The following PSMF1 variants were observed in gnomAD, a reference collection of about 807,000 sequenced individuals.
PSMF1 encodes the protein proteasome inhibitor PI31 subunit.
PSMF1 carries 30 observed loss-of-function variants against 29.3 expected under a neutral mutation model. The observed-to-expected ratio is 1.02, with a 90% CI of 0.77 to 1.39. The LOEUF (loss-of-function observed/expected upper bound fraction) is 1.39, where lower values mean the gene tolerates loss of function less well. Among genes scored for constraint, PSMF1 ranks in the 40% most tolerant of loss-of-function variants. The pLI is 0.00. For missense variants in PSMF1, 344 were observed against 357.5 expected (o/e 0.96, Z 0.31); for synonymous variants, 134 against 139.7 (o/e 0.96, Z 0.29).
intron 4 of PSMF1, among the ~76,000 whole-genome samples, chr20:1,144,984 C>G (rs1250465862): frequency 2.6e-5 from 4 of 152,146 alleles, no homozygotes; most frequent in Admixed American, 2.6e-4. Flanking sequence ...CTCCCGGGTT[C>G]AAGCAACTCT....
In PSMF1 at chr20:1,131,413, C is replaced by T. The variant is rs1054234858; in HGVS notation, c.366-3708C>T. ...TGAAATGAGGGACACAATAGTACTA[C>T]CTCAGGGTTTTTCTGAGAATGGAAT... is the stretch of plus-strand genomic sequence containing the variant. On this transcript the variant is annotated intron_variant, in intron 3 of 6. Transcript: ENST00000335877. Among the ~76,000 whole-genome samples, 5 of 152,270 alleles carry T rather than the reference C, an allele frequency of 3.3e-5. No homozygotes were observed. The South Asian group carries it at 1.0e-3, about 32-fold the overall frequency.
intron 3 of PSMF1, among the ~76,000 whole-genome samples, chr20:1,133,569 A>ATATATATATATTTTTTTT: frequency 1.7e-4 from 9 of 53,302 alleles, no homozygotes; most frequent in East Asian, 3.1e-4. Flanking sequence ...ATATATATAT[A>ATATATATATATTTTTTTT]TTTTTTTTTT....
chr20:1,132,969 G>GTTTTTTTTTTTTTT (rs60189289), intron 3 of PSMF1, among the ~76,000 whole-genome samples: 4 of 134,108 alleles, frequency 3.0e-5, no homozygotes, highest in Non-Finnish European at 6.3e-5. Context: ...GGGTTTTTTT[G>GTTTTTTTTTTTTTT]TTTTTTTTTT....
In PSMF1 at chr20:1,164,383, C is replaced by T; in HGVS notation, c.671C>T (p.Pro224Leu). 1 of 1,614,026 alleles carries T rather than the reference C, an allele frequency of 6.2e-7. No homozygotes were observed. Among genetic ancestry groups the T allele is most frequent in the South Asian group, 1.1e-5 (1 of 91,086 alleles). ...RSGFPRALIDPSSGLPNRLPP... is the reference protein window; with the variant it reads ...RSGFPRALIDLSSGLPNRLPP... The stretch of plus-strand genomic sequence containing the variant: ...GGCTTCCCAAGAGCACTTATTGACC[C>T]TTCCTCAGGCCTCCCGAACCGACTT... Residue 224 changes from proline to leucine, a missense_variant, in exon 6 of 7, where the codon CCT (proline) becomes CTT (leucine). Pro to Leu is a moderately conservative substitution (Grantham distance 98). Transcript: ENST00000335877. The surrounding 1 kb of genome is among the most constrained non-coding windows in gnomAD (Gnocchi z 4.1).
chr20:1,144,715 A>T (rs946723963), intron 4 of PSMF1, among the ~76,000 whole-genome samples: 3 of 152,210 alleles, frequency 2.0e-5, no homozygotes, highest in Non-Finnish European at 4.4e-5. Context: ...TAACATTTTT[A>T]AAATGACACA....
intron 4 of PSMF1, chr20:1,161,750 T>A: frequency 2.1e-6 from 1 of 477,704 alleles, no homozygotes. Flanking sequence ...TTCACACGTA[T>A]AAATTTGCCC....
intron 4 of PSMF1, among the ~76,000 whole-genome samples, chr20:1,146,346 A>G (rs2086450002): frequency 6.6e-6 from 1 of 151,440 alleles, no homozygotes; most frequent in Non-Finnish European, 1.5e-5. Flanking sequence ...AGTAGGTTAG[A>G]GGCATCAAGG....
rs764077174 is a variant in PSMF1, at chr20:1,166,269, G to T, written c.*1189G>T. The T allele has an allele frequency of 8.1e-6, 13 of 1,611,458 alleles. No homozygotes were observed. In the South Asian group the frequency reaches 1.4e-4, roughly 18 times the overall value. ...GCGGGCAGTGATGAGCCCTGTTCTG[G>T]AGTGGAAAGAGCACGATAGAGCACC... On this transcript the variant is annotated 3_prime_UTR_variant, in exon 7 of 7. Transcript: ENST00000335877.
chr20:1,140,517 A>G (rs1345895123), intron 4 of PSMF1, among the ~76,000 whole-genome samples: 2 of 152,226 alleles, frequency 1.3e-5, no homozygotes, highest in Non-Finnish European at 2.9e-5. Flanking sequence ...GGGTAGTCTT[A>G]TTCCCTGACC....
intron 1 of PSMF1, among the ~76,000 whole-genome samples, chr20:1,123,595 TA>T (rs1404250446): frequency 2.6e-5 from 4 of 152,250 alleles, no homozygotes; most frequent in African/African-American, 7.2e-5. Context: ...GACTGCTATA[TA>T]GTATTCCACT....
chr20:1,133,569 A>ATTTTTTT (rs1217034678), intron 3 of PSMF1, among the ~76,000 whole-genome samples: 1 of 53,300 alleles, frequency 1.9e-5, no homozygotes, highest in African/African-American at 5.6e-5. Flanking sequence ...ATATATATAT[A>ATTTTTTT]TTTTTTTTTT....
At chr20:1,121,067 C>T (rs1476334530) in intron 1 of PSMF1, among the ~76,000 whole-genome samples, 5 of 152,150 alleles carry the variant, frequency 3.3e-5, no homozygotes, top group Non-Finnish European at 7.4e-5. Context: ...CCTTGCCATA[C>T]ACTCAAGGCT....
chr20:1,161,123 A>G (rs1486834311), intron 4 of PSMF1: 5 of 431,868 alleles, frequency 1.2e-5, no homozygotes, highest in Non-Finnish European at 2.0e-5. Flanking sequence ...CTGGCTGGCC[A>G]GGACCTGACC....
At position 1,165,259 on chromosome 20, in the gene PSMF1, C is replaced by T; in HGVS notation, c.*179C>T. On this transcript the variant is annotated 3_prime_UTR_variant, in exon 7 of 7. Transcript: ENST00000335877. ...GAGCCAAGACACCTGCTGCAGCTCT[C>T]CACCTAGCTGCAGATAGCTCCCAAA... 6 of 1,425,718 alleles carry T rather than the reference C, an allele frequency of 4.2e-6. No individual in the cohort carries two copies. The highest frequency in any genetic ancestry group is 5.5e-6 in the Non-Finnish European group (6 of 1,092,820). The allele number at this position is 1,425,718 out of a possible 1,614,324, so 88.3% of individuals were successfully genotyped here. A position where few individuals can be genotyped will look rare whatever the true frequency, so the allele number is the denominator to read the frequency against.
chr20:1,125,041 A>G (rs1040033560), intron 1 of PSMF1, among the ~76,000 whole-genome samples: 5 of 152,208 alleles, frequency 3.3e-5, no homozygotes, highest in African/African-American at 9.6e-5. Context: ...GTGTATTATG[A>G]AATTATAATT....
chr20:1,162,919 CTA>C (rs1441507674), intron 4 of PSMF1, among the ~76,000 whole-genome samples: 2 of 152,198 alleles, frequency 1.3e-5, no homozygotes, highest in Middle Eastern at 3.4e-3. Context: ...ATATTTTAAT[CTA>C]TGTTTTTAGG....
chr20:1,163,354 T>C lies in PSMF1; in HGVS notation c.605+171T>C, dbSNP rs2086690082. 6.6e-6 allele frequency among the ~76,000 whole-genome samples: 1 copy of C among 152,236 alleles called. No individual in the cohort carries two copies. Among genetic ancestry groups the C allele is most frequent in the Non-Finnish European group, 1.5e-5 (1 of 68,038 alleles). On this transcript the variant is annotated intron_variant, in intron 5 of 6. Transcript: ENST00000335877. The surrounding 1 kb of genome is among the most constrained non-coding windows in gnomAD (Gnocchi z 6.1). ...GCCACATACGCTGCCCCTCCACACCTAGAGCGGTGCAGGAGAGCACTGAGT... is the reference window on the plus strand; with the variant it reads ...GCCACATACGCTGCCCCTCCACACCCAGAGCGGTGCAGGAGAGCACTGAGT...
In PSMF1 at chr20:1,164,493, G is replaced by A. The variant is rs2086705108; in HGVS notation, c.764+17G>A. ...CCCACCCGGGTACGTAGTCACTCAGGTATGCTGAGAAGTAGGACCTGATGG... is the reference window on the plus strand; with the variant it reads ...CCCACCCGGGTACGTAGTCACTCAGATATGCTGAGAAGTAGGACCTGATGG... On this transcript the variant is annotated intron_variant, in intron 6 of 6. Transcript: ENST00000335877. This position sits in a 1 kb window ranked among gnomAD's most constrained non-coding sequence, Gnocchi z 4.1. The A allele has an allele frequency of 6.2e-7, 1 of 1,613,436 alleles. No homozygotes were observed. Among genetic ancestry groups the A allele is most frequent in the Admixed American group, 1.7e-5 (1 of 60,006 alleles).
In PSMF1 at chr20:1,133,569, A is replaced by ATATATATATATATATATATTTT; in HGVS notation, c.366-1551_366-1550insATATATATATATATATATTTTT. On this transcript the variant is annotated intron_variant, in intron 3 of 6. Transcript: ENST00000335877. ...TCTATATATGTGTATATATATATAT[A>ATATATATATATATATATATTTT]TTTTTTTTTTTTTTTTGGTGTAGTC... 2.9e-3 allele frequency among the ~76,000 whole-genome samples: 152 copies of ATATATATATATATATATATTTT among 53,198 alleles called. 2 individuals carry two copies. Among genetic ancestry groups the ATATATATATATATATATATTTT allele is most frequent in the South Asian group, 0.01 (15 of 1,472 alleles). 34.9% of individuals were successfully genotyped at this position (53,198 alleles called of 152,430 possible).
Sources: gnomAD v4.1 joint callset for allele counts (sites outside exome capture counted in the v4.1 genomes callset) on GRCh38, gnomAD v4.1.1 for gene constraint, Gnocchi (gnomAD v3.1) non-coding constraint, MANE v1.5 for transcripts, NCBI Gene and HGNC (gene_info 2026-07-23, HGNC 2026-07-21) for gene names.